TRIM71: variants seen among roughly 807,000 people sequenced by gnomAD.
TRIM71 encodes the protein E3 ubiquitin-protein ligase TRIM71.
TRIM71 carries 9 observed loss-of-function variants against 61.2 expected under a neutral mutation model. The ratio of observed to expected loss-of-function variants is 0.15; its 90% CI spans 0.09 to 0.26. TRIM71 has a LOEUF of 0.26. Among genes scored for constraint, TRIM71 ranks in the 10% least tolerant of loss-of-function variants. The probability of loss-of-function intolerance (pLI) is 1.00; values close to 1 mark genes in which losing one functional copy is unlikely to be tolerated. For synonymous variants in TRIM71, 645 were observed against 553.2 expected (o/e 1.17, Z -2.33); for missense variants, 998 against 1,238.7 (o/e 0.81, Z 2.92).
At chr3:32,871,689 G>T (rs549448722) in intron 1 of TRIM71, among the ~76,000 whole-genome samples, 5 of 152,224 alleles carry the variant, frequency 3.3e-5, no homozygotes, top group Non-Finnish European at 5.9e-5. Flanking sequence ...AGATTATTAG[G>T]ATTAGATAAT....
At position 32,847,869 on chromosome 3, in the gene TRIM71, G is replaced by A. The variant is rs76048835; in HGVS notation, c.853-25949G>A. 7.6e-3 allele frequency among the ~76,000 whole-genome samples: 1,156 copies of A among 152,156 alleles called. 28 individuals carry two copies. Among genetic ancestry groups the A allele is most frequent in the African/African-American group, 0.027 (1,108 of 41,492 alleles). ...TATATTTATGGGCTCAACCAACTGT[G>A]GATTGAAAATATTAGAAATAAGGCA... On this transcript the variant is annotated intron_variant, in intron 1 of 3. Transcript: ENST00000383763.
At chr3:32,820,288 A>T (rs779859217) in intron 1 of TRIM71, among the ~76,000 whole-genome samples, 15 of 152,210 alleles carry the variant, frequency 9.9e-5, no homozygotes, top group African/African-American at 3.6e-4. Flanking sequence ...GGGCGGAGCT[A>T]TTGCCTGATG....
At chr3:32,827,265 A>ATTTTTTTTTTT (rs1167469115) in intron 1 of TRIM71, among the ~76,000 whole-genome samples, 1 of 117,476 alleles carries the variant, frequency 8.5e-6, no homozygotes, top group African/African-American at 3.0e-5. Flanking sequence ...TAGGGGGATA[A>ATTTTTTTTTTT]TTCTTTTTTT....
Position 32,873,813 on chromosome 3 carries a change from C to A in TRIM71, c.853-5C>A, listed in dbSNP as rs766531189. 9 of 1,557,992 alleles carry A rather than the reference C, an allele frequency of 5.8e-6. No homozygotes were observed. In the Admixed American group the frequency reaches 1.4e-4, roughly 25 times the overall value. On this transcript the variant is annotated splice_region_variant and splice_polypyrimidine_tract_variant and intron_variant, in intron 1 of 3. Transcript: ENST00000383763. Reference sequence around the variant, plus strand: ...ATTTATGCCTGTACCCTCTCTTGTCCCCAGGTGCTGCACCTGTACTGTGAC... The same window carrying A: ...ATTTATGCCTGTACCCTCTCTTGTCACCAGGTGCTGCACCTGTACTGTGAC...
Position 32,897,601 on chromosome 3 carries a change from G to C in TRIM71, c.*5790G>C, listed in dbSNP as rs935333908. 6.6e-6 allele frequency: 1 copy of C among 152,150 alleles called. No individual in the cohort carries two copies. Among genetic ancestry groups the C allele is most frequent in the African/African-American group, 2.4e-5 (1 of 41,420 alleles). 9.4% of individuals were successfully genotyped at this position (152,150 alleles called of 1,614,324 possible). On this transcript the variant is annotated 3_prime_UTR_variant, in exon 4 of 4. Transcript: ENST00000383763. ...CCGCAGGCATGACAGGCAATGAGCA[G>C]GTGAAGAACCAATGGAAAAGTGTTC...
At chr3:32,819,773 A>ACAGGAAC (rs1696107099) in intron 1 of TRIM71, among the ~76,000 whole-genome samples, 1 of 152,112 alleles carries the variant, frequency 6.6e-6, no homozygotes, top group Non-Finnish European at 1.5e-5. Flanking sequence ...TCCAAGCCCT[A>ACAGGAAC]CAGGAACCGG....
chr3:32,878,986 C>T (rs1029758413), intron 2 of TRIM71, among the ~76,000 whole-genome samples: 2 of 152,258 alleles, frequency 1.3e-5, no homozygotes, highest in Non-Finnish European at 2.9e-5. Context: ...TAGCTGTCTT[C>T]ATCAATTACC....
At chr3:32,849,073 G>A (rs1482673654) in intron 1 of TRIM71, among the ~76,000 whole-genome samples, 1 of 152,202 alleles carries the variant, frequency 6.6e-6, no homozygotes, top group African/African-American at 2.4e-5. Flanking sequence ...GGAGCCTTAA[G>A]CTGGGGGTAC....
At chr3:32,865,471 C>T (rs1696722228) in intron 1 of TRIM71, among the ~76,000 whole-genome samples, 1 of 152,162 alleles carries the variant, frequency 6.6e-6, no homozygotes, top group Admixed American at 6.5e-5. Flanking sequence ...GGTTGGGCGG[C>T]AGCAAGAGAC....
intron 1 of TRIM71, among the ~76,000 whole-genome samples, chr3:32,840,501 A>G (rs1382670212): frequency 3.9e-5 from 6 of 152,188 alleles, no homozygotes; most frequent in Non-Finnish European, 2.9e-5. Context: ...CATTATGTTT[A>G]GAGACAAAGC....
intron 1 of TRIM71, among the ~76,000 whole-genome samples, chr3:32,864,498 G>A (rs1205584346): frequency 1.3e-5 from 2 of 152,234 alleles, no homozygotes; most frequent in Non-Finnish European, 2.9e-5. Context: ...ATTCTGATCT[G>A]GGAGTCAAGT....
intron 1 of TRIM71, among the ~76,000 whole-genome samples, chr3:32,852,776 A>C (rs1696553138): frequency 6.7e-6 from 1 of 150,374 alleles, no homozygotes; most frequent in Non-Finnish European, 1.5e-5. Flanking sequence ...AAAAAAAAAC[A>C]AAAACAAACT....
At chr3:32,857,447 CAT>C (rs1325306436) in intron 1 of TRIM71, among the ~76,000 whole-genome samples, 3 of 152,316 alleles carry the variant, frequency 2.0e-5, no homozygotes, top group African/African-American at 7.2e-5. Context: ...TAACTGGCCT[CAT>C]GTGCAATTAA....
chr3:32,831,417 G>A (rs1475595519), intron 1 of TRIM71, among the ~76,000 whole-genome samples: 3 of 151,854 alleles, frequency 2.0e-5, no homozygotes, highest in Non-Finnish European at 2.9e-5. Context: ...AATTTATATT[G>A]TAATGTATGT....
intron 1 of TRIM71, 136 bp downstream of exon 1, chr3:32,819,068 G>A: frequency 1.0e-6 from 1 of 960,472 alleles, no homozygotes; most frequent in South Asian, 1.4e-5. Flanking sequence ...CTACGTGGCA[G>A]TCCTTGCTAC....
At chr3:32,862,309 G>A (rs1180747744) in intron 1 of TRIM71, among the ~76,000 whole-genome samples, 1 of 152,210 alleles carries the variant, frequency 6.6e-6, no homozygotes, top group Admixed American at 6.5e-5. Flanking sequence ...TTTATTACTA[G>A]TGTATTCTCA....
At position 32,896,557 on chromosome 3, in the gene TRIM71, G is replaced by C. The variant is rs1697079911; in HGVS notation, c.*4746G>C. 6.6e-6 allele frequency: 1 copy of C among 152,148 alleles called. No individual in the cohort carries two copies. The highest frequency in any genetic ancestry group is 2.4e-5 in the African/African-American group (1 of 41,430). The allele number at this position is 152,148 out of a possible 1,614,324, so 9.4% of individuals were successfully genotyped here. On this transcript the variant is annotated 3_prime_UTR_variant, in exon 4 of 4. Coordinates refer to ENST00000383763, the MANE Select transcript of TRIM71 (RefSeq NM_001039111.3). ...CCCTAATTTTTGGTTGTTTGGAAGA[G>C]AGGAGGGTCCTAAGACCACTGTCAT... is the stretch of plus-strand genomic sequence containing the variant.
At chr3:32,882,652 T>G (rs769204079) in intron 2 of TRIM71, among the ~76,000 whole-genome samples, 1 of 152,128 alleles carries the variant, frequency 6.6e-6, no homozygotes, top group Non-Finnish European at 1.5e-5. Context: ...ACTCAAGCAA[T>G]CCTTCCAGCT....
chr3:32,836,578 TTAGAA>T lies in TRIM71; in HGVS notation c.852+17649_852+17653del, dbSNP rs544585942. On this transcript the variant is annotated intron_variant, in intron 1 of 3. Transcript: ENST00000383763. ...ACATTTTGTGTCTTTAGGTCCCACCTTAGAATATAGTCTTGGTATATCATAGAAGG... is the reference window on the plus strand; with the variant it reads ...ACATTTTGTGTCTTTAGGTCCCACCTTATAGTCTTGGTATATCATAGAAGG... Among the ~76,000 whole-genome samples the T allele has an allele frequency of 1.1e-4, 17 of 152,362 alleles. No individual in the cohort carries two copies. In the South Asian group the frequency reaches 2.1e-3, roughly 19 times the overall value.
Sources: allele counts gnomAD v4.1 joint callset (sites outside exome capture counted in the v4.1 genomes callset), GRCh38; gene constraint gnomAD v4.1.1; transcripts MANE v1.5; gene names NCBI Gene and HGNC (gene_info 2026-07-23, HGNC 2026-07-21).